Variants in SCGB2B2 observed in about 807,000 individuals in gnomAD.
SCGB2B2 encodes secretoglobin family 2B member 2.
SCGB2B2 carries 11 observed loss-of-function variants against 7.6 expected under a neutral mutation model. That is an observed-to-expected ratio of 1.45 (90% CI 0.91 to 2.40). The LOEUF (loss-of-function observed/expected upper bound fraction) is 2.40. Ranked by LOEUF, SCGB2B2 falls within the 30% of genes most tolerant of loss-of-function variation. SCGB2B2 has a pLI of 0.00. For missense variants in SCGB2B2, 104 were observed against 115.4 expected (o/e 0.90, Z 0.45); for synonymous variants, 50 against 48.6 (o/e 1.03, Z -0.12).
intron 1 of SCGB2B2, among the ~76,000 whole-genome samples, chr19:34,667,630 G>A (rs73043937): frequency 0.044 from 6,633 of 152,296 alleles, 206 homozygotes; most frequent in Middle Eastern, 0.099. Flanking sequence ...GCCTGCTCCC[G>A]GTTTGGAGTG....
chr19:34,586,824 A>C (rs1484882893), downstream of SCGB2B2, among the ~76,000 whole-genome samples: 1 of 152,188 alleles, frequency 6.6e-6, no homozygotes, highest in Non-Finnish European at 1.5e-5. Context: ...CTGAGCAGCC[A>C]CTGGTTCATT....
chr19:34,630,727 CTAG>C (rs2066505882), intron 1 of SCGB2B2, among the ~76,000 whole-genome samples: 1 of 152,126 alleles, frequency 6.6e-6, no homozygotes, highest in African/African-American at 2.4e-5. Context: ...GGATCTAGAA[CTAG>C]TATTACCATT....
At chr19:34,617,969 C>T (rs1461340696) in intron 1 of SCGB2B2, among the ~76,000 whole-genome samples, 1 of 152,242 alleles carries the variant, frequency 6.6e-6, no homozygotes, top group Non-Finnish European at 1.5e-5. Flanking sequence ...CCGAGTGAGG[C>T]AATGCCTCGC....
chr19:34,642,295 C>T (rs1169692045), intron 1 of SCGB2B2, among the ~76,000 whole-genome samples: 1 of 152,196 alleles, frequency 6.6e-6, no homozygotes, highest in Non-Finnish European at 1.5e-5. Flanking sequence ...AGCCCCTCCA[C>T]CCTTGTGGGC....
intron 1 of SCGB2B2, among the ~76,000 whole-genome samples, chr19:34,665,659 G>A (rs2067596260): frequency 6.6e-6 from 1 of 152,206 alleles, no homozygotes. Flanking sequence ...GAGGGCCCAC[G>A]TGTGTATTGG....
chr19:34,641,372 A>G (rs534729952), intron 1 of SCGB2B2, among the ~76,000 whole-genome samples: 18 of 152,308 alleles, frequency 1.2e-4, no homozygotes, highest in African/African-American at 3.8e-4. Flanking sequence ...TGACTTGTGA[A>G]TTCCGTGCTG....
intron 1 of SCGB2B2, among the ~76,000 whole-genome samples, chr19:34,631,350 GTTAGTC>G (rs1568436090): frequency 1.4e-5 from 2 of 140,346 alleles, no homozygotes; most frequent in African/African-American, 5.4e-5. Flanking sequence ...TCATTCTATC[GTTAGTC>G]TTAGTATATT....
intron 1 of SCGB2B2, among the ~76,000 whole-genome samples, chr19:34,666,594 C>T (rs1033569375): frequency 2.0e-5 from 3 of 152,192 alleles, no homozygotes; most frequent in Admixed American, 6.5e-5. Context: ...CCCGACTCTC[C>T]AGGTCCCAGC....
chr19:34,641,159 A>G (rs1024963800), intron 1 of SCGB2B2, among the ~76,000 whole-genome samples: 2 of 151,526 alleles, frequency 1.3e-5, no homozygotes, highest in Admixed American at 6.6e-5. Context: ...TTTGGTTTTG[A>G]CTGGTTTTGT....
chr19:34,589,291 G>A (rs756123121), downstream of SCGB2B2, among the ~76,000 whole-genome samples: 12 of 152,050 alleles, frequency 7.9e-5, no homozygotes, highest in Non-Finnish European at 1.6e-4. Context: ...GGGGAGCACT[G>A]GTCAGGGCAG....
At chr19:34,674,393 C>G (rs1225376170) in intron 1 of SCGB2B2, among the ~76,000 whole-genome samples, 1 of 152,038 alleles carries the variant, frequency 6.6e-6, no homozygotes, top group Non-Finnish European at 1.5e-5. Flanking sequence ...AAAAAGGAAG[C>G]AAAGCAAACT....
At position 34,676,141 on chromosome 19, in the gene SCGB2B2, T is replaced by G. The variant is rs943139157; in HGVS notation, c.-2543A>C. ...GCGCTGATTGGTCTATTTTACAGAG[T>G]GCTGTTTGGTCCGTTTTTACAGAGT... On this transcript the variant is annotated 5_prime_UTR_variant, in exon 1 of 4. Transcript: ENST00000601241. The G allele has an allele frequency of 3.3e-5, 5 of 152,194 alleles. No individual in the cohort carries two copies. The highest frequency in any genetic ancestry group is 1.2e-4 in the African/African-American group (5 of 41,430). The allele number at this position is 152,194 out of a possible 1,614,324, so 9.4% of individuals were successfully genotyped here.
At chr19:34,668,507 C>T (rs1288936932) in intron 1 of SCGB2B2, among the ~76,000 whole-genome samples, 6 of 152,212 alleles carry the variant, frequency 3.9e-5, no homozygotes, top group Admixed American at 3.9e-4. Context: ...GTCCCATCGA[C>T]CACCCAAGGG....
chr19:34,613,366 T>C (rs987169350), intron 1 of SCGB2B2, among the ~76,000 whole-genome samples: 1 of 152,242 alleles, frequency 6.6e-6, no homozygotes, highest in Non-Finnish European at 1.5e-5. Flanking sequence ...CCCAAAGTGC[T>C]GGGATTACAG....
At chr19:34,637,550 G>A (rs1600059002) in intron 1 of SCGB2B2, 1 of 204,896 alleles carries the variant, frequency 4.9e-6, no homozygotes, top group East Asian at 1.3e-4. Flanking sequence ...AGTCCCTCGA[G>A]CTTCAATTCT....
At chr19:34,594,044 T>C (rs2065369862) in intron 3 of SCGB2B2, 131 bp downstream of exon 3, 1 of 735,270 alleles carries the variant, frequency 1.4e-6, no homozygotes, top group Non-Finnish European at 2.3e-6. Flanking sequence ...GAACTTCATC[T>C]GATTTTGCGC....
intron 1 of SCGB2B2, among the ~76,000 whole-genome samples, chr19:34,619,270 G>A (rs1437099889): frequency 6.6e-6 from 1 of 152,088 alleles, no homozygotes; most frequent in East Asian, 1.9e-4. Flanking sequence ...GGAGAGTGGG[G>A]GCTTTAAAAC....
intron 1 of SCGB2B2, among the ~76,000 whole-genome samples, chr19:34,611,672 T>G (rs8106471): frequency 6.7e-6 from 1 of 150,232 alleles, no homozygotes; most frequent in Non-Finnish European, 1.5e-5. Flanking sequence ...TTTTTTGGGA[T>G]GAAGTCTCGC....
intron 1 of SCGB2B2, among the ~76,000 whole-genome samples, chr19:34,623,916 T>G (rs1314074231): frequency 1.3e-5 from 2 of 152,198 alleles, no homozygotes; most frequent in African/African-American, 4.8e-5. Context: ...AATTTGTCTC[T>G]CAAGGGCAGC....
Sources: allele counts gnomAD v4.1 joint callset (sites outside exome capture counted in the v4.1 genomes callset), GRCh38; gene constraint gnomAD v4.1.1; transcripts MANE v1.5; gene names NCBI Gene and HGNC (gene_info 2026-07-23, HGNC 2026-07-21).